The following UCK2 variants were observed in gnomAD, a reference collection of about 807,000 sequenced individuals.
The protein encoded by UCK2 is uridine-cytidine kinase 2.
A neutral mutation model predicts 30.8 loss-of-function variants in UCK2; 6 were observed. That is an observed-to-expected ratio of 0.19 (90% CI 0.11 to 0.38). The LOEUF (loss-of-function observed/expected upper bound fraction) is 0.38, where lower values mean the gene tolerates loss of function less well. Among genes scored for constraint, UCK2 ranks in the 10% least tolerant of loss-of-function variants. The pLI is 1.00. For synonymous variants in UCK2, 125 were observed against 133.6 expected (o/e 0.94, Z 0.45); for missense variants, 210 against 339.8 (o/e 0.62, Z 3.00).
chr1:165,862,982 A>G (rs1042212766), intron 1 of UCK2, among the ~76,000 whole-genome samples: 3 of 152,104 alleles, frequency 2.0e-5, no homozygotes, highest in Non-Finnish European at 2.9e-5. Flanking sequence ...CTACTTAGAG[A>G]TCGTTCTGAT....
At chr1:165,875,621 C>T (rs1655314486) in intron 1 of UCK2, among the ~76,000 whole-genome samples, 1 of 152,142 alleles carries the variant, frequency 6.6e-6, no homozygotes, top group East Asian at 1.9e-4. Context: ...GACTTCAAGT[C>T]GAGGTTCCCA....
intron 1 of UCK2, among the ~76,000 whole-genome samples, chr1:165,865,002 C>A (rs990868043): frequency 6.6e-6 from 1 of 151,954 alleles, no homozygotes; most frequent in South Asian, 2.1e-4. Flanking sequence ...TGAGATTTTA[C>A]ACACACACAC....
intron 1 of UCK2, among the ~76,000 whole-genome samples, chr1:165,858,410 G>A (rs1654807848): frequency 6.6e-6 from 1 of 152,166 alleles, no homozygotes; most frequent in African/African-American, 2.4e-5. Flanking sequence ...GAATGGCTGT[G>A]GTTCCCAGTC....
intron 1 of UCK2, among the ~76,000 whole-genome samples, chr1:165,880,028 A>G (rs1655443973): frequency 6.6e-6 from 1 of 152,194 alleles, no homozygotes; most frequent in African/African-American, 2.4e-5. Flanking sequence ...CAGTTTAGAT[A>G]AGGATTACTG....
intron 1 of UCK2, among the ~76,000 whole-genome samples, chr1:165,882,017 G>A (rs1655511623): frequency 6.6e-6 from 1 of 152,190 alleles, no homozygotes; most frequent in Non-Finnish European, 1.5e-5. Flanking sequence ...AGCTTCTGTT[G>A]TGGGGAATCT....
At chr1:165,856,526 A>G (rs181775251) in intron 1 of UCK2, among the ~76,000 whole-genome samples, 1 of 145,902 alleles carries the variant, frequency 6.9e-6, no homozygotes, top group African/African-American at 2.5e-5. Flanking sequence ...TTTTAACCAC[A>G]CTACCCTTGG....
chr1:165,888,291 T>G (rs1164458983), intron 1 of UCK2, among the ~76,000 whole-genome samples: 3 of 151,938 alleles, frequency 2.0e-5, no homozygotes, highest in African/African-American at 4.8e-5. Context: ...GTTCTGTTCT[T>G]TTCTCTTTTT....
At chr1:165,869,730 T>C (rs1030448020) in intron 1 of UCK2, among the ~76,000 whole-genome samples, 3 of 143,020 alleles carry the variant, frequency 2.1e-5, no homozygotes. Context: ...GTGCAGTGTG[T>C]CGTGATCATA....
intron 1 of UCK2, among the ~76,000 whole-genome samples, chr1:165,836,653 C>G (rs929984957): frequency 6.6e-6 from 1 of 152,124 alleles, no homozygotes; most frequent in Non-Finnish European, 1.5e-5. Flanking sequence ...TTTTAGATCA[C>G]CTTTTTGCAT....
At chr1:165,904,293 A>T (rs1647576748) in intron 5 of UCK2, 1 of 152,186 alleles carries the variant, frequency 6.6e-6, no homozygotes, top group Non-Finnish European at 1.5e-5. Flanking sequence ...AGCAACCCAT[A>T]CTTGACTTTG....
At chr1:165,907,605 C>A in intron 6 of UCK2, 79 bp from the exon 7 acceptor site, 1 of 1,533,714 alleles carries the variant, frequency 6.5e-7, no homozygotes, top group South Asian at 1.3e-5. Context: ...CCTGCATGCC[C>A]TTCCCCCAGA....
intron 4 of UCK2, among the ~76,000 whole-genome samples, chr1:165,901,150 G>A (rs1243027015): frequency 6.6e-6 from 1 of 152,228 alleles, no homozygotes; most frequent in Non-Finnish European, 1.5e-5. Flanking sequence ...CCCAGGTCCA[G>A]CGTTGCAGGG....
At chr1:165,833,886 C>T (rs932804869) in intron 1 of UCK2, among the ~76,000 whole-genome samples, 11 of 151,924 alleles carry the variant, frequency 7.2e-5, no homozygotes, top group African/African-American at 2.7e-4. Flanking sequence ...GCTGATTTGT[C>T]ATGAAAGCAT....
chr1:165,880,011 G>A (rs1481212248), intron 1 of UCK2, among the ~76,000 whole-genome samples: 1 of 152,160 alleles, frequency 6.6e-6, no homozygotes, highest in Non-Finnish European at 1.5e-5. Context: ...TCTGATTTCT[G>A]ATTTTCCAGT....
chr1:165,885,981 T>G (rs1027203904), intron 1 of UCK2, among the ~76,000 whole-genome samples: 1 of 152,130 alleles, frequency 6.6e-6, no homozygotes, highest in African/African-American at 2.4e-5. Flanking sequence ...ATATTCACAT[T>G]ATTGGATGAC....
chr1:165,856,661 G>A (rs921949577), intron 1 of UCK2, among the ~76,000 whole-genome samples: 11 of 152,242 alleles, frequency 7.2e-5, no homozygotes, highest in Non-Finnish European at 1.3e-4. Flanking sequence ...TGTGATACAC[G>A]ATTATATTAA....
intron 1 of UCK2, among the ~76,000 whole-genome samples, chr1:165,866,011 T>C (rs948243466): frequency 1.3e-5 from 2 of 151,816 alleles, no homozygotes; most frequent in South Asian, 2.1e-4. Context: ...TAAAACTGAG[T>C]GGTGGGCTAG....
intron 1 of UCK2, among the ~76,000 whole-genome samples, chr1:165,860,267 CCTTGT>C (rs1654862863): frequency 6.6e-6 from 1 of 152,184 alleles, no homozygotes; most frequent in Admixed American, 6.5e-5. Context: ...CCCTCCACAG[CCTTGT>C]CTTGAAGGCC....
intron 1 of UCK2, among the ~76,000 whole-genome samples, chr1:165,830,515 C>T (rs973805614): frequency 6.0e-5 from 9 of 150,182 alleles, no homozygotes; most frequent in Admixed American, 2.7e-4. Flanking sequence ...TCAGTAAACA[C>T]GGAGTTTCAC....
Sources: gnomAD v4.1 joint callset for allele counts (sites outside exome capture counted in the v4.1 genomes callset) on GRCh38, gnomAD v4.1.1 for gene constraint, MANE v1.5 for transcripts, NCBI Gene and HGNC (gene_info 2026-07-23, HGNC 2026-07-21) for gene names.